The following MARK1 variants were observed in gnomAD, a reference collection of about 807,000 sequenced individuals.
The protein encoded by MARK1 is serine/threonine-protein kinase MARK1.
Under a neutral mutation model 96.3 loss-of-function variants are expected in MARK1, and 40 were observed. The observed-to-expected ratio is 0.42, with a 90% CI of 0.32 to 0.54. The LOEUF is 0.54. Among genes scored for constraint, MARK1 ranks in the 20% least tolerant of loss-of-function variants. The probability of loss-of-function intolerance (pLI) is 0.16; values close to 1 mark genes in which losing one functional copy is unlikely to be tolerated. For missense variants in MARK1, 719 were observed against 984.6 expected, an observed-to-expected ratio of 0.73 and a Z score of 3.61; for synonymous variants, 317 against 341.2, an observed-to-expected ratio of 0.93 and a Z score of 0.78.
At position 220,597,688 on chromosome 1, in the gene MARK1, T is replaced by C. The variant is rs545614844; in HGVS notation, c.310-643T>C. Among the ~76,000 whole-genome samples the C allele has an allele frequency of 1.3e-4, 20 of 152,312 alleles. 1 individual carries two copies. In the South Asian group the frequency reaches 3.9e-3, roughly 30 times the overall value. On this transcript the variant is annotated intron_variant, in intron 3 of 17. Transcript: ENST00000366917. Reference sequence around the variant, plus strand: ...GGAAGCTAACATATACTCAAAGACATAGAGAAAATAATACCAAATTATGCT... The same window carrying C: ...GGAAGCTAACATATACTCAAAGACACAGAGAAAATAATACCAAATTATGCT...
chr1:220,628,105 C>A lies in MARK1; in HGVS notation c.910-2930C>A, dbSNP rs1461555294. 2.0e-5 allele frequency: 3 copies of A among 152,184 alleles called. No homozygotes were observed. In the East Asian group the frequency reaches 5.8e-4, roughly 29 times the overall value. 9.4% of individuals were successfully genotyped at this position (152,184 alleles called of 1,614,324 possible). A position where few individuals can be genotyped will look rare whatever the true frequency, so the allele number is the denominator to read the frequency against. ...ACTGCTTGTCACAGTGGAAAGATGT[C>A]TTTTGTTGAAGACTTCACTCACTCA... On this transcript the variant is annotated intron_variant, in intron 9 of 17. Coordinates refer to ENST00000366917, the MANE Select transcript of MARK1 (RefSeq NM_018650.5).
chr1:220,614,399 A>C (rs546414244), intron 6 of MARK1, among the ~76,000 whole-genome samples: 1 of 152,232 alleles, frequency 6.6e-6, no homozygotes, highest in East Asian at 1.9e-4. Flanking sequence ...TCCTTCAAGG[A>C]TGGCTTAGAC....
At chr1:220,660,068 G>A (rs12073437) in intron 17 of MARK1, among the ~76,000 whole-genome samples, 9,385 of 152,242 alleles carry the variant, frequency 0.062, 884 homozygotes, top group African/African-American at 0.21. Context: ...TTACAGGTGT[G>A]AGCCACAGAA....
intron 1 of MARK1, among the ~76,000 whole-genome samples, chr1:220,545,803 A>G (rs531405208): frequency 2.1e-4 from 32 of 152,254 alleles, no homozygotes; most frequent in African/African-American, 7.0e-4. Context: ...AAGGTTTGGT[A>G]AAGGGGAGAC....
chr1:220,587,399 A>T (rs1266788526), intron 3 of MARK1, among the ~76,000 whole-genome samples: 1 of 134,922 alleles, frequency 7.4e-6, no homozygotes, highest in Admixed American at 8.2e-5. Flanking sequence ...ACGGAGTTTC[A>T]CTCTTGTTGC....
At chr1:220,533,100 A>G (rs1362932280) in intron 1 of MARK1, among the ~76,000 whole-genome samples, 3 of 152,198 alleles carry the variant, frequency 2.0e-5, no homozygotes, top group East Asian at 3.9e-4. Context: ...CCCTATCCCT[A>G]CTTCTGAACC....
chr1:220,644,535 T>C (rs192053243), intron 13 of MARK1, among the ~76,000 whole-genome samples: 57 of 145,316 alleles, frequency 3.9e-4, no homozygotes, highest in African/African-American at 1.4e-3. Context: ...AGACAGAAGA[T>C]TAACAAGATA....
chr1:220,547,027 A>C (rs1006556179), intron 1 of MARK1, among the ~76,000 whole-genome samples: 6 of 152,146 alleles, frequency 3.9e-5, no homozygotes, highest in Non-Finnish European at 7.4e-5. Context: ...TAGGAATAGA[A>C]AGCAAAAAGC....
intron 1 of MARK1, among the ~76,000 whole-genome samples, chr1:220,546,966 C>T (rs867911533): frequency 3.1e-5 from 3 of 97,288 alleles, no homozygotes; most frequent in African/African-American, 1.1e-4. Context: ...AGTGAGACTC[C>T]GTCTCCAAAA....
chr1:220,595,054 C>T (rs1275949867), intron 3 of MARK1, among the ~76,000 whole-genome samples: 1 of 152,094 alleles, frequency 6.6e-6, no homozygotes, highest in African/African-American at 2.4e-5. Context: ...AAATGTACCT[C>T]TCTGGTTTGG....
At chr1:220,661,378 C>T (rs559884731) in intron 17 of MARK1, among the ~76,000 whole-genome samples, 15 of 152,180 alleles carry the variant, frequency 9.9e-5, no homozygotes, top group African/African-American at 3.6e-4. Context: ...ATTATCTTTC[C>T]CTCTGAAGTT....
rs768682745 is a variant in MARK1 at position 220,662,215 on chromosome 1, A to G, written c.*49A>G. ...GGGAAGATACATACATATATGAGGT[A>G]CAGTTTTTGAATGTACTGGTAATGC... is the stretch of plus-strand genomic sequence containing the variant. On this transcript the variant is annotated 3_prime_UTR_variant, in exon 18 of 18. Coordinates refer to ENST00000366917, the MANE Select transcript of MARK1 (RefSeq NM_018650.5). 9 of 1,417,496 alleles carry G rather than the reference A, an allele frequency of 6.3e-6. No homozygotes were observed. The highest frequency in any genetic ancestry group is 8.7e-6 in the Non-Finnish European group (9 of 1,031,890). The allele number at this position is 1,417,496 out of a possible 1,614,324, so 87.8% of individuals were successfully genotyped here.
chr1:220,548,776 ATAAT>A (rs1442801928), intron 1 of MARK1, among the ~76,000 whole-genome samples: 1 of 152,124 alleles, frequency 6.6e-6, no homozygotes, highest in East Asian at 1.9e-4. Flanking sequence ...TATAATAATA[ATAAT>A]TAATAAATAA....
At chr1:220,657,191 C>T (rs1026255943) in intron 16 of MARK1, among the ~76,000 whole-genome samples, 5 of 152,044 alleles carry the variant, frequency 3.3e-5, no homozygotes, top group Non-Finnish European at 5.9e-5. Context: ...GGTTTTATTT[C>T]GCAGGTGGAT....
chr1:220,607,867 C>A (rs911036087), intron 6 of MARK1, among the ~76,000 whole-genome samples: 1 of 152,132 alleles, frequency 6.6e-6, no homozygotes, highest in Non-Finnish European at 1.5e-5. Flanking sequence ...TATTGATTTG[C>A]GTATATTGAA....
At chr1:220,594,421 C>T (rs111539271) in intron 3 of MARK1, among the ~76,000 whole-genome samples, 88 of 152,230 alleles carry the variant, frequency 5.8e-4, no homozygotes, top group African/African-American at 1.9e-3. Flanking sequence ...TTGTTGCTGG[C>T]GGAAATGCAA....
In MARK1 at chr1:220,662,163, G is replaced by A. The variant is rs958990495; in HGVS notation, c.2385G>A (p.Leu795=). 2.5e-6 allele frequency: 4 copies of A among 1,603,502 alleles called. No homozygotes were observed. The highest frequency in any genetic ancestry group is 1.7e-6 in the Non-Finnish European group (2 of 1,175,072). The change falls in exon 18 of 18, where the codon CTG becomes CTA. Residue 795 remains leucine (L), a synonymous_variant. Transcript: ENST00000366917. Reference sequence around the variant, plus strand: ...CAAAAATAGCAAATGAGCTTAAGCTGTAAAGAAGTCCAAATTTACAGGTTC... The same window carrying A: ...CAAAAATAGCAAATGAGCTTAAGCTATAAAGAAGTCCAAATTTACAGGTTC... ...IASKIANELK[L]
chr1:220,642,618 T>C (rs1296571108), intron 13 of MARK1, among the ~76,000 whole-genome samples: 2 of 152,144 alleles, frequency 1.3e-5, no homozygotes, highest in Non-Finnish European at 2.9e-5. Context: ...GCTCCACCAA[T>C]GGGCAGCCAG....
intron 1 of MARK1, among the ~76,000 whole-genome samples, chr1:220,529,914 G>A (rs185953643): frequency 1.4e-4 from 22 of 152,234 alleles, no homozygotes; most frequent in Middle Eastern, 6.8e-3. Context: ...CTAAGTTTTG[G>A]TCAGCTGTCC....
Sources: allele counts gnomAD v4.1 joint callset (sites outside exome capture counted in the v4.1 genomes callset), GRCh38; gene constraint gnomAD v4.1.1; transcripts MANE v1.5; gene names NCBI Gene and HGNC (gene_info 2026-07-23, HGNC 2026-07-21).